Variants in CEACAM8 observed in about 807,000 individuals in gnomAD.
CEACAM8 encodes cell adhesion molecule CEACAM8.
In CEACAM8, 31 loss-of-function variants were observed where a neutral mutation model predicts 33.4. That is an observed-to-expected ratio of 0.93 (90% CI 0.70 to 1.25). The LOEUF is 1.25. CEACAM8 is among the 50% of genes most tolerant of loss of function. The pLI is 0.00. For synonymous variants in CEACAM8, 138 were observed against 164.5 expected (o/e 0.84, Z 1.23); for missense variants, 388 against 434.6 (o/e 0.89, Z 0.95).
chr19:42,589,363 C>G (rs1260684470), intron 3 of CEACAM8, 94 bp downstream of exon 3: 2 of 1,581,812 alleles, frequency 1.3e-6, no homozygotes, highest in Non-Finnish European at 8.6e-7. Flanking sequence ...GGGGAATCTG[C>G]ATTTTTGGAG....
rs762814256 is a variant in CEACAM8 at position 42,588,776 on chromosome 19, C to T, written c.958+8G>A. 1 of 1,613,794 alleles carries T rather than the reference C, an allele frequency of 6.2e-7. No homozygotes were observed. The highest frequency in any genetic ancestry group is 1.1e-5 in the South Asian group (1 of 91,060). ...AACATACTGCCAGTGCTCCAGGGAT[C>T]CACTTACCAGAGACTGTGATCATCC... On this transcript the variant is annotated splice_region_variant and intron_variant, in intron 4 of 5. Coordinates refer to ENST00000244336, the MANE Select transcript of CEACAM8 (RefSeq NM_001816.4).
chr19:42,582,560 G>A (rs2042275397), intron 5 of CEACAM8, among the ~76,000 whole-genome samples: 1 of 152,084 alleles, frequency 6.6e-6, no homozygotes, highest in Non-Finnish European at 1.5e-5. Flanking sequence ...TGCTTTGAAG[G>A]GTATGTGGGC....
intron 3 of CEACAM8, among the ~76,000 whole-genome samples, 166 bp from the exon 4 acceptor site, chr19:42,589,204 C>CA (rs2042389027): frequency 6.6e-6 from 1 of 152,238 alleles, no homozygotes; most frequent in Admixed American, 6.5e-5. Context: ...GAGTCCGAGA[C>CA]ATTTACCTGT....
intron 2 of CEACAM8, among the ~76,000 whole-genome samples, chr19:42,591,363 G>C (rs1469776529): frequency 6.6e-6 from 1 of 152,184 alleles, no homozygotes; most frequent in Non-Finnish European, 1.5e-5. Flanking sequence ...GCAACTCCCA[G>C]GTAGAGGGAG....
At position 42,587,702 on chromosome 19, in the gene CEACAM8, C is replaced by T. The variant is rs552253624; in HGVS notation, c.958+1082G>A. 7.2e-5 allele frequency among the ~76,000 whole-genome samples: 11 copies of T among 152,074 alleles called. No homozygotes were observed. In the South Asian group the frequency reaches 8.3e-4, roughly 11 times the overall value. On this transcript the variant is annotated intron_variant, in intron 4 of 5. Transcript: ENST00000244336. The stretch of plus-strand genomic sequence containing the variant: ...GATGGTTACATAACACTAAATTGCA[C>T]GCATAGAAATAGTTAATGGTGGCTG...
intron 2 of CEACAM8, among the ~76,000 whole-genome samples, chr19:42,592,525 C>T (rs2042460621): frequency 1.3e-5 from 2 of 149,852 alleles, no homozygotes; most frequent in South Asian, 2.1e-4. Context: ...ATCGCTTGAA[C>T]CCGGGAGGCA....
At chr19:42,587,245 A>G (rs367784041) in intron 4 of CEACAM8, among the ~76,000 whole-genome samples, 1 of 152,364 alleles carries the variant, frequency 6.6e-6, no homozygotes, top group East Asian at 1.9e-4. Context: ...ACTTCTGGAC[A>G]TATATGCAAG....
intron 4 of CEACAM8, among the ~76,000 whole-genome samples, chr19:42,583,928 T>C (rs1443860592): frequency 1.3e-5 from 2 of 152,216 alleles, no homozygotes. Flanking sequence ...TTCTTTCTCC[T>C]TCACAGGAAT....
intron 2 of CEACAM8, among the ~76,000 whole-genome samples, chr19:42,590,171 TG>T (rs2042411024): frequency 6.6e-6 from 1 of 152,026 alleles, no homozygotes; most frequent in Non-Finnish European, 1.5e-5. Context: ...ATTCTAGAGA[TG>T]GGAGATGATG....
Position 42,588,982 on chromosome 19 carries a change from T to C in CEACAM8, c.760A>G (p.Asn254Asp). 2 of 1,614,096 alleles carry C rather than the reference T, an allele frequency of 1.2e-6. No homozygotes were observed. Among genetic ancestry groups the C allele is most frequent in the South Asian group, 1.1e-5 (1 of 91,084 alleles). ...GCCGCATGGCAGGAGAGGTTGAGAT[T>C]TACCCCTGCATGGTAATAGGTGTCT... Reference protein sequence around the residue: ...PSDTYYHAGVNLNLSCHAASN... With the variant: ...PSDTYYHAGVDLNLSCHAASN... Residue 254 changes from asparagine to aspartate, a missense_variant, in exon 4 of 6, where the codon AAT becomes GAT. By Grantham distance (23) the Asn-to-Asp change is conservative. Coordinates refer to ENST00000244336, the MANE Select transcript of CEACAM8 (RefSeq NM_001816.4).
chr19:42,588,533 T>C (rs993332220), intron 4 of CEACAM8, among the ~76,000 whole-genome samples: 4 of 152,110 alleles, frequency 2.6e-5, no homozygotes, highest in African/African-American at 9.7e-5. Flanking sequence ...TTCCATGACA[T>C]AGGGCTCTGG....
intron 1 of CEACAM8, 107 bp from the exon 2 acceptor site, chr19:42,594,007 G>A (rs1471619978): frequency 1.6e-6 from 2 of 1,217,032 alleles, no homozygotes; most frequent in East Asian, 4.7e-5. Flanking sequence ...GTGTATGTGT[G>A]TGTGTCCTAC....
At chr19:42,586,071 A>G (rs1044317612) in intron 4 of CEACAM8, among the ~76,000 whole-genome samples, 1 of 152,200 alleles carries the variant, frequency 6.6e-6, no homozygotes, top group Non-Finnish European at 1.5e-5. Context: ...ACTAGAAAAC[A>G]TTGCTGAAGG....
At position 42,593,725 on chromosome 19, in the gene CEACAM8, T is replaced by A; in HGVS notation, c.240A>T (p.Ile80=). 6.2e-7 allele frequency: 1 copy of A among 1,614,152 alleles called. No homozygotes were observed. The highest frequency in any genetic ancestry group is 8.5e-7 in the Non-Finnish European group (1 of 1,180,002). ...GETVDANRRI[I]GYVISNQQIT... is the part of the protein sequence containing the mutation. ...TCTGTTGATTTGATATTACATATCC[T>A]ATAATTCGACGGTTGGCATCCACTG... The change falls in exon 2 of 6, where the codon ATA becomes ATT. Residue 80 remains isoleucine, a synonymous_variant. Transcript: ENST00000244336.
intron 4 of CEACAM8, among the ~76,000 whole-genome samples, chr19:42,584,299 G>A (rs1456084545): frequency 5.9e-5 from 9 of 152,102 alleles, no homozygotes; most frequent in Non-Finnish European, 1.3e-4. Context: ...AACTCAGGCT[G>A]ATGATTAATG....
intron 3 of CEACAM8, 97 bp from the exon 4 acceptor site, chr19:42,589,135 C>G (rs1460589524): frequency 6.8e-7 from 1 of 1,465,984 alleles, no homozygotes; most frequent in African/African-American, 1.4e-5. Context: ...AGCCAAGTCA[C>G]AAACCTGAGC....
chr19:42,586,948 A>C lies in CEACAM8; in HGVS notation c.958+1836T>G, dbSNP rs533974097. 3.3e-5 allele frequency among the ~76,000 whole-genome samples: 5 copies of C among 152,328 alleles called. No homozygotes were observed. The South Asian group carries it at 1.0e-3, about 32-fold the overall frequency. Reference sequence around the variant, plus strand: ...GACTGAAATAGAGATTTCTCCAAGGAAGATATACAAATGGCCAATGAGCAC... The same window carrying C: ...GACTGAAATAGAGATTTCTCCAAGGCAGATATACAAATGGCCAATGAGCAC... On this transcript the variant is annotated intron_variant, in intron 4 of 5. Coordinates refer to ENST00000244336, the MANE Select transcript of CEACAM8 (RefSeq NM_001816.4).
At chr19:42,581,944 T>TAA (rs2042267851) in intron 5 of CEACAM8, among the ~76,000 whole-genome samples, 3 of 101,058 alleles carry the variant, frequency 3.0e-5, no homozygotes, top group Non-Finnish European at 5.7e-5. Context: ...TATATATATA[T>TAA]ATAAAATAAG....
At position 42,588,812 on chromosome 19, in the gene CEACAM8, C is replaced by T. The variant is rs144424224; in HGVS notation, c.930G>A (p.Arg310=). 4 of 1,614,024 alleles carry T rather than the reference C, an allele frequency of 2.5e-6. No individual in the cohort carries two copies. The African/African-American group carries it at 5.3e-5, about 22-fold the overall frequency. Reference sequence around the variant, plus strand: ...AGACTGTGATCATCCTGACTGTGGTCCTGTTGCGGCCAGTGGCTGAGTTAG... The same window carrying T: ...AGACTGTGATCATCCTGACTGTGGTTCTGTTGCGGCCAGTGGCTGAGTTAG... ...HTTNSATGRN[R]TTVRMITVSD... The change falls in exon 4 of 6, where the codon AGG becomes AGA. Residue 310 remains arginine, a synonymous_variant. Coordinates refer to ENST00000244336, the MANE Select transcript of CEACAM8 (RefSeq NM_001816.4).
Sources: gnomAD v4.1 joint callset for allele counts (sites outside exome capture counted in the v4.1 genomes callset) on GRCh38, gnomAD v4.1.1 for gene constraint, MANE v1.5 for transcripts, NCBI Gene and HGNC (gene_info 2026-07-23, HGNC 2026-07-21) for gene names.